Variants in YIF1B observed in about 807,000 individuals in gnomAD.
YIF1B encodes the protein Yip1 interacting factor homolog B, membrane trafficking protein.
In YIF1B, 24 loss-of-function variants were observed where a neutral mutation model predicts 34.6. That is an observed-to-expected ratio of 0.69 (90% confidence interval 0.50 to 0.98). YIF1B has a LOEUF of 0.98. Among genes scored for constraint, YIF1B ranks in the 50% least tolerant of loss-of-function variants. The pLI is 0.00. For synonymous variants in YIF1B, 186 were observed against 184.8 expected, an observed-to-expected ratio of 1.01 and a Z score of -0.05; for missense variants, 368 against 429.4, an observed-to-expected ratio of 0.86 and a Z score of 1.26.
chr19:38,304,863 A>C lies in YIF1B; in HGVS notation c.*489T>G. 6.2e-7 allele frequency: 1 copy of C among 1,613,680 alleles called. No individual in the cohort carries two copies. The highest frequency in any genetic ancestry group is 8.5e-7 in the Non-Finnish European group (1 of 1,179,966). On this transcript the variant is annotated 3_prime_UTR_variant, in exon 8 of 8. Transcript: ENST00000339413. Reference sequence around the variant, plus strand: ...CCCACAGTCCCACGCTGCTGGCTCCAAGCAGCACGAGAGCATCCCGGGCAA... The same window carrying C: ...CCCACAGTCCCACGCTGCTGGCTCCCAGCAGCACGAGAGCATCCCGGGCAA...
rs974344608 is a variant in YIF1B at position 38,305,205 on chromosome 19, TG to T, written c.*146del. The T allele has an allele frequency of 7.6e-7, 1 of 1,318,606 alleles. No homozygotes were observed. Among genetic ancestry groups the T allele is most frequent in the African/African-American group, 1.5e-5 (1 of 66,196 alleles). The allele number at this position is 1,318,606 out of a possible 1,614,324, so 81.7% of individuals were successfully genotyped here. A position where few individuals can be genotyped will look rare whatever the true frequency, so the allele number is the denominator to read the frequency against. On this transcript the variant is annotated 3_prime_UTR_variant, in exon 8 of 8. Coordinates refer to ENST00000339413, the MANE Select transcript of YIF1B (RefSeq NM_001039672.3). ...CTGGAGATCTCTCAGCACCTTGGGT[TG>T]GGGGCGGGGCTGGGCGGGACATGGG...
Position 38,304,702 on chromosome 19 carries a change from C to T in YIF1B, c.*650G>A. The T allele has an allele frequency of 6.2e-7, 1 of 1,613,662 alleles. No homozygotes were observed. The highest frequency in any genetic ancestry group is 1.1e-5 in the South Asian group (1 of 91,086). On this transcript the variant is annotated 3_prime_UTR_variant, in exon 8 of 8. Coordinates refer to ENST00000339413, the MANE Select transcript of YIF1B (RefSeq NM_001039672.3). ...GGATGTGAAGGTAAGGGGCTCTCGC[C>T]AGCGTCCCCAAGCACGTGCCCTGCA... is the stretch of plus-strand genomic sequence containing the variant.
At chr19:38,309,750 G>A in intron 1 of YIF1B, 107 bp from the exon 2 acceptor site, 1 of 1,472,200 alleles carries the variant, frequency 6.8e-7, no homozygotes, top group South Asian at 1.4e-5. Context: ...GAGGAGGGTG[G>A]TGTCACCATT....
chr19:38,319,166 A>G (rs1309664555), upstream of YIF1B, among the ~76,000 whole-genome samples: 1 of 151,666 alleles, frequency 6.6e-6, no homozygotes, highest in African/African-American at 2.4e-5. Context: ...TCCCAGGCAT[A>G]GCTCACTGCA....
intron 7 of YIF1B, 51 bp from the exon 8 acceptor site, chr19:38,305,558 G>A: frequency 6.4e-7 from 1 of 1,550,930 alleles, no homozygotes; most frequent in Non-Finnish European, 8.8e-7. Flanking sequence ...TGAGCCCTCT[G>A]GGCCAGAGTG....
rs946289696 is a variant in YIF1B, at chr19:38,303,936, G to A, written c.*1416C>T. Among the ~76,000 whole-genome samples the A allele has an allele frequency of 2.0e-5, 3 of 152,242 alleles. No homozygotes were observed. The highest frequency in any genetic ancestry group is 7.2e-5 in the African/African-American group (3 of 41,460). On this transcript the variant is annotated 3_prime_UTR_variant, in exon 8 of 8. Coordinates refer to ENST00000339413, the MANE Select transcript of YIF1B (RefSeq NM_001039672.3). ...TGTCGCGGTACGCAGGAAGGCAGGG[G>A]CAGCACCTCCCTCTTCAAGAACGAG...
At position 38,305,040 on chromosome 19, in the gene YIF1B, G is replaced by A; in HGVS notation, c.*312C>T. The A allele has an allele frequency of 7.1e-6, 11 of 1,542,828 alleles. No homozygotes were observed. The highest frequency in any genetic ancestry group is 8.8e-6 in the Non-Finnish European group (10 of 1,142,354). On this transcript the variant is annotated 3_prime_UTR_variant, in exon 8 of 8. Coordinates refer to ENST00000339413, the MANE Select transcript of YIF1B (RefSeq NM_001039672.3). ...GTCAGCGTGGTGCCTACTCTGGCCC[G>A]TCCCCAGCTCCCTGCCCCCTGCCCA...
At chr19:38,316,484 C>A (rs576320176), upstream of YIF1B, among the ~76,000 whole-genome samples, 27 of 152,118 alleles carry the variant, frequency 1.8e-4, no homozygotes, top group African/African-American at 5.8e-4. Flanking sequence ...TCCATCGCTA[C>A]AAAACATTTT....
upstream of YIF1B, chr19:38,320,344 C>CA: frequency 6.6e-7 from 1 of 1,517,180 alleles, no homozygotes; most frequent in Non-Finnish European, 9.0e-7. Flanking sequence ...CTGGGGACCC[C>CA]GGGGCCCTCA....
chr19:38,306,189 C>T (rs1431895279), intron 7 of YIF1B, among the ~76,000 whole-genome samples: 1 of 120,252 alleles, frequency 8.3e-6, no homozygotes, highest in Non-Finnish European at 1.6e-5. Context: ...CCCGACAGAG[C>T]GAGACTCTGT....
chr19:38,316,147 G>C (rs1305740744), upstream of YIF1B, among the ~76,000 whole-genome samples: 1 of 151,266 alleles, frequency 6.6e-6, no homozygotes, highest in African/African-American at 2.4e-5. Flanking sequence ...AGCGAGTCAA[G>C]GCCTGAGTGG....
Position 38,305,289 on chromosome 19 carries a change from G to T in YIF1B, c.*63C>A, listed in dbSNP as rs1202585253. On this transcript the variant is annotated 3_prime_UTR_variant, in exon 8 of 8. Coordinates refer to ENST00000339413, the MANE Select transcript of YIF1B (RefSeq NM_001039672.3). ...ACCTTGGGGCCTGCAGGCAGGAGAT[G>T]AGTTCGGCGGCCACAGTGGCCCCCA... The T allele has an allele frequency of 6.4e-7, 1 of 1,559,674 alleles. No homozygotes were observed. Among genetic ancestry groups the T allele is most frequent in the Non-Finnish European group, 8.7e-7 (1 of 1,151,788 alleles).
At chr19:38,310,664 A>T (rs189289110) in intron 1 of YIF1B, among the ~76,000 whole-genome samples, 163 of 152,052 alleles carry the variant, frequency 1.1e-3, no homozygotes, top group Non-Finnish European at 2.1e-3. Flanking sequence ...CATATCTCCT[A>T]TGCTCCCCCT....
chr19:38,306,639 TATC>T (rs1162779566), intron 7 of YIF1B: 1 of 247,828 alleles, frequency 4.0e-6, no homozygotes, highest in Non-Finnish European at 7.9e-6. Context: ...GAGGTGCAAG[TATC>T]ATCATCCTAT....
Position 38,305,154 on chromosome 19 carries a change from A to T in YIF1B, c.*198T>A. ...GTTTATTGTTTCTGTAACAGCGGCC[A>T]CGCCCTGGGGCGGTGGCCTGTGCAG... On this transcript the variant is annotated 3_prime_UTR_variant, in exon 8 of 8. Coordinates refer to ENST00000339413, the MANE Select transcript of YIF1B (RefSeq NM_001039672.3). 7.2e-7 allele frequency: 1 copy of T among 1,393,786 alleles called. No homozygotes were observed. Among genetic ancestry groups the T allele is most frequent in the Non-Finnish European group, 9.5e-7 (1 of 1,049,848 alleles). 86.3% of individuals were successfully genotyped at this position (1,393,786 alleles called of 1,614,324 possible).
chr19:38,309,043 C>T lies in YIF1B; in HGVS notation c.417G>A (p.Gln139=), dbSNP rs745609103. ...GGGCCACCGGGGTGTCCTGTTGGTA[C>T]TGCACTTCCCAGTCCTGCGGGGATG... The part of the protein sequence containing the change: ...FPYLHQDWEV[Q]YQQDTPVAPR... Residue 139 remains glutamine (Q), a synonymous_variant, in exon 4 of 8, where the codon CAG becomes CAA. Coordinates refer to ENST00000339413, the MANE Select transcript of YIF1B (RefSeq NM_001039672.3). 3 of 1,556,036 alleles carry T rather than the reference C, an allele frequency of 1.9e-6. No individual in the cohort carries two copies. Among genetic ancestry groups the T allele is most frequent in the African/African-American group, 2.7e-5 (2 of 73,664 alleles).
chr19:38,308,915 C>A, intron 4 of YIF1B, 64 bp downstream of exon 4: 2 of 1,613,444 alleles, frequency 1.2e-6, no homozygotes, highest in Non-Finnish European at 8.5e-7. Context: ...TCCAGGCACC[C>A]ACACACCCGC....
At chr19:38,309,870 AT>A in intron 1 of YIF1B, 1 of 1,403,788 alleles carries the variant, frequency 7.1e-7, no homozygotes, top group Non-Finnish European at 9.3e-7. Flanking sequence ...TCATCTATGC[AT>A]CCATTCATCT....
At position 38,309,296 on chromosome 19, in the gene YIF1B, C is replaced by T; in HGVS notation, c.330G>A (p.Lys110=). Residue 110 remains lysine (K), a synonymous_variant, in exon 3 of 8, where the codon AAG becomes AAA. Transcript: ENST00000339413. ...IDRFIPITKL[K]YYFAVDTMYV... ...ACATGGTGTCCACAGCAAAGTAATA[C>T]TTGAGCTTGGTGATGGGGATGAAGC... is the stretch of plus-strand genomic sequence containing the variant. 1.9e-6 allele frequency: 3 copies of T among 1,614,144 alleles called. No individual in the cohort carries two copies. Among genetic ancestry groups the T allele is most frequent in the Non-Finnish European group, 2.5e-6 (3 of 1,179,994 alleles).
Sources: allele counts gnomAD v4.1 joint callset (sites outside exome capture counted in the v4.1 genomes callset), GRCh38; gene constraint gnomAD v4.1.1; transcripts MANE v1.5; gene names NCBI Gene and HGNC (gene_info 2026-07-23, HGNC 2026-07-21).